WWTR1: variants seen among roughly 807,000 people sequenced by gnomAD.
WWTR1 encodes the protein WW domain-containing transcription regulator protein 1.
WWTR1 carries 13 observed loss-of-function variants against 40.1 expected under a neutral mutation model. That is an observed-to-expected ratio of 0.32 (90% CI 0.21 to 0.52). The LOEUF (loss-of-function observed/expected upper bound fraction) is 0.52, where lower values mean the gene tolerates loss of function less well. Ranked by LOEUF, WWTR1 falls within the 20% of genes least tolerant of loss-of-function variation. The pLI is 0.97. For missense variants in WWTR1, 436 were observed against 523.1 expected (o/e 0.83, Z 1.63); for synonymous variants, 230 against 210.1 (o/e 1.09, Z -0.82).
Position 149,681,532 on chromosome 3 carries a change from T to A in WWTR1, c.-107-11641A>T, listed in dbSNP as rs1179333436. On this transcript the variant is annotated intron_variant, in intron 1 of 7. Transcript: ENST00000465804. ...AGTCCATTTTAAAATCAGGTGTTAG[T>A]TTTTTTGCTGTTGAGTTGTGGGAGT... Among the ~76,000 whole-genome samples, 10 of 152,298 alleles carry A rather than the reference T, an allele frequency of 6.6e-5. No homozygotes were observed. The South Asian group carries it at 1.0e-3, about 16-fold the overall frequency.
chr3:149,568,005 T>C (rs1737413897), intron 3 of WWTR1, among the ~76,000 whole-genome samples: 1 of 152,188 alleles, frequency 6.6e-6, no homozygotes. Context: ...CAGTCTATTT[T>C]TTTCCCTCTT....
chr3:149,577,025 C>T (rs1335856259), intron 2 of WWTR1, among the ~76,000 whole-genome samples: 1 of 152,084 alleles, frequency 6.6e-6, no homozygotes, highest in Admixed American at 6.5e-5. Context: ...GCTGTGGTGG[C>T]ACATGCCTGT....
rs79242325 is a variant in WWTR1, at chr3:149,625,789, T to TA, written c.431+31086dup. Reference sequence around the variant, plus strand: ...CTGGGCGACACAGCGAGATTCCAAATAAAAAAAAAAAAAGCGGAAATTAGC... The same window carrying TA: ...CTGGGCGACACAGCGAGATTCCAAATAAAAAAAAAAAAAAGCGGAAATTAGC... On this transcript the variant is annotated intron_variant, in intron 2 of 6. Coordinates refer to ENST00000360632, the MANE Select transcript of WWTR1 (RefSeq NM_015472.6). 4.7e-3 allele frequency among the ~76,000 whole-genome samples: 605 copies of TA among 128,410 alleles called. 1 individual carries two copies. Among genetic ancestry groups the TA allele is most frequent in the South Asian group, 9.6e-3 (39 of 4,082 alleles). 84.2% of individuals were successfully genotyped at this position (128,410 alleles called of 152,430 possible). A position where few individuals can be genotyped will look rare whatever the true frequency, so the allele number is the denominator to read the frequency against.
At chr3:149,539,899 C>T (rs920768174) in intron 4 of WWTR1, among the ~76,000 whole-genome samples, 11 of 152,042 alleles carry the variant, frequency 7.2e-5, no homozygotes, top group South Asian at 4.2e-4. Flanking sequence ...CACTCCAATG[C>T]CATTTATTAT....
chr3:149,689,380 C>CAAAAAAAA (rs3044083), intron 1 of WWTR1, among the ~76,000 whole-genome samples: 14 of 36,704 alleles, frequency 3.8e-4, no homozygotes, highest in Non-Finnish European at 4.9e-4. Context: ...GAACCTATCT[C>CAAAAAAAA]AAAAAAAAAA....
chr3:149,574,079 G>A (rs913139222), intron 2 of WWTR1, among the ~76,000 whole-genome samples: 1 of 151,932 alleles, frequency 6.6e-6, no homozygotes, highest in Non-Finnish European at 1.5e-5. Flanking sequence ...TACCCAGGCT[G>A]GAGTACAGTG....
upstream of WWTR1, among the ~76,000 whole-genome samples, chr3:149,703,749 G>A (rs1338733664): frequency 6.6e-6 from 1 of 152,066 alleles, no homozygotes; most frequent in Non-Finnish European, 1.5e-5. Context: ...AAGAGATCTG[G>A]TTGTTTAAAA....
intron 2 of WWTR1, among the ~76,000 whole-genome samples, chr3:149,639,479 A>T (rs1416832705): frequency 2.0e-5 from 3 of 152,122 alleles, no homozygotes; most frequent in African/African-American, 7.2e-5. Context: ...AAGTTCTGGG[A>T]TTATAAGTGT....
chr3:149,594,928 A>G (rs1271854615), intron 2 of WWTR1, among the ~76,000 whole-genome samples: 1 of 90,168 alleles, frequency 1.1e-5, no homozygotes, highest in Non-Finnish European at 2.4e-5. Context: ...AAAATCTCAT[A>G]TTGCCTATAA....
At chr3:149,571,178 G>A (rs1464867207) in intron 3 of WWTR1, among the ~76,000 whole-genome samples, 2 of 150,660 alleles carry the variant, frequency 1.3e-5, no homozygotes, top group Non-Finnish European at 2.9e-5. Context: ...TGAGGAAAGG[G>A]AGATTGGAGG....
intron 4 of WWTR1, among the ~76,000 whole-genome samples, chr3:149,534,461 G>A (rs1407400796): frequency 1.3e-5 from 2 of 152,172 alleles, no homozygotes; most frequent in East Asian, 3.9e-4. Flanking sequence ...ACCTCAGACA[G>A]TTCAGAGGAA....
rs1178827439 is a variant in WWTR1, at chr3:149,518,486, C to A, written c.*2319G>T. 1 of 151,884 alleles carries A rather than the reference C, an allele frequency of 6.6e-6. No homozygotes were observed. Among genetic ancestry groups the A allele is most frequent in the African/African-American group, 2.4e-5 (1 of 41,334 alleles). The allele number at this position is 151,884 out of a possible 1,614,324, so 9.4% of individuals were successfully genotyped here. A position where few individuals can be genotyped will look rare whatever the true frequency, so the allele number is the denominator to read the frequency against. The stretch of plus-strand genomic sequence containing the variant: ...TTTATTTATTTTTAGCAAGAATGTA[C>A]AATTCTTTTTGCAATTTTTTGCTAA... On this transcript the variant is annotated 3_prime_UTR_variant, in exon 7 of 7. Coordinates refer to ENST00000360632, the MANE Select transcript of WWTR1 (RefSeq NM_015472.6).
In WWTR1 at chr3:149,520,992, A is replaced by G. The variant is rs747204084; in HGVS notation, c.1019-3T>C. On this transcript the variant is annotated splice_polypyrimidine_tract_variant and splice_region_variant and intron_variant, in intron 6 of 6. Coordinates refer to ENST00000360632, the MANE Select transcript of WWTR1 (RefSeq NM_015472.6). The stretch of plus-strand genomic sequence containing the variant: ...GGGTGTTTGTCCTGCGTTTTCTCCT[A>G]TAACAAAATGAAAAGAAACCATTTT... The G allele has an allele frequency of 5.1e-6, 8 of 1,575,216 alleles. No individual in the cohort carries two copies. The highest frequency in any genetic ancestry group is 1.4e-5 in the African/African-American group (1 of 72,554).
At position 149,684,568 on chromosome 3, in the gene WWTR1, T is replaced by G. The variant is rs75857279; in HGVS notation, c.-107-14677A>C. 9.1e-3 allele frequency among the ~76,000 whole-genome samples: 1,388 copies of G among 152,080 alleles called. 20 individuals carry two copies. Among genetic ancestry groups the G allele is most frequent in the African/African-American group, 0.029 (1,222 of 41,478 alleles). ...GTCTCATATCTCATTATTCTTTTTTTTTTTTTCCTTTTTGAGACAGTGTCT... is the reference window on the plus strand; with the variant it reads ...GTCTCATATCTCATTATTCTTTTTTGTTTTTTCCTTTTTGAGACAGTGTCT... On this transcript the variant is annotated intron_variant, in intron 1 of 7. Transcript: ENST00000465804.
At chr3:149,717,729 G>C (rs1403019335) in intron 4 of WWTR1, among the ~76,000 whole-genome samples, 1 of 152,212 alleles carries the variant, frequency 6.6e-6, no homozygotes, top group Non-Finnish European at 1.5e-5. Context: ...ATTAGGTGTA[G>C]GGTGGGTATA....
intron 5 of WWTR1, among the ~76,000 whole-genome samples, chr3:149,715,355 C>T (rs1452067094): frequency 6.6e-6 from 1 of 152,258 alleles, no homozygotes; most frequent in African/African-American, 2.4e-5. Flanking sequence ...CTGGGCGTCA[C>T]TGCATTTTCC....
At chr3:149,680,931 C>G (rs989799124) in intron 1 of WWTR1, among the ~76,000 whole-genome samples, 1 of 152,170 alleles carries the variant, frequency 6.6e-6, no homozygotes, top group African/African-American at 2.4e-5. Context: ...TACATACTTA[C>G]AAACATTTTG....
chr3:149,648,443 CA>C (rs937540119), intron 2 of WWTR1, among the ~76,000 whole-genome samples: 3 of 145,912 alleles, frequency 2.1e-5, no homozygotes, highest in Admixed American at 6.8e-5. Flanking sequence ...CTAAACAAAA[CA>C]AAAAAAAAAC....
rs926488772 is a variant in WWTR1, at chr3:149,648,826, G to A, written c.431+8050C>T. Among the ~76,000 whole-genome samples, 45 of 152,090 alleles carry A rather than the reference G, an allele frequency of 3.0e-4. 2 individuals are homozygous for A. Among genetic ancestry groups the A allele is most frequent in the Non-Finnish European group, 1.9e-4 (13 of 68,022 alleles). On this transcript the variant is annotated intron_variant, in intron 2 of 6. Coordinates refer to ENST00000360632, the MANE Select transcript of WWTR1 (RefSeq NM_015472.6). ...GGAAGGCAGCTGATCCAGGCTCTAG[G>A]ACCACAGGTCGAAACCAGCTCTTTG...
Sources: allele counts gnomAD v4.1 joint callset (sites outside exome capture counted in the v4.1 genomes callset), GRCh38; gene constraint gnomAD v4.1.1; transcripts MANE v1.5; gene names NCBI Gene and HGNC (gene_info 2026-07-23, HGNC 2026-07-21).